The following SMIM14 variants were observed in gnomAD, a reference collection of about 807,000 sequenced individuals.
The protein encoded by SMIM14 is small integral membrane protein 14.
Under a neutral mutation model 12.6 loss-of-function variants are expected in SMIM14, and 5 were observed. The observed-to-expected ratio is 0.40, with a 90% CI of 0.21 to 0.83. The LOEUF is 0.83. Ranked by LOEUF, SMIM14 falls within the 40% of genes least tolerant of loss-of-function variation. SMIM14 has a pLI of 0.37. For synonymous variants in SMIM14, 30 were observed against 40.1 expected (o/e 0.75, Z 0.95); for missense variants, 86 against 119.1 (o/e 0.72, Z 1.29).
chr4:39,572,898 G>A (rs1459100849), intron 2 of SMIM14, among the ~76,000 whole-genome samples: 4 of 151,906 alleles, frequency 2.6e-5, no homozygotes, highest in Non-Finnish European at 4.4e-5. Flanking sequence ...GTGCAGGGGT[G>A]CAATCCTAGC....
At chr4:39,603,415 T>C (rs183394681) in intron 2 of SMIM14, among the ~76,000 whole-genome samples, 227 of 151,908 alleles carry the variant, frequency 1.5e-3, no homozygotes, top group African/African-American at 5.3e-3. Flanking sequence ...AAAAATTAGC[T>C]GGGCATGGGG....
At chr4:39,621,275 A>C (rs1715475055) in intron 1 of SMIM14, among the ~76,000 whole-genome samples, 1 of 151,526 alleles carries the variant, frequency 6.6e-6, no homozygotes, top group Non-Finnish European at 1.5e-5. Context: ...TTAGGACATA[A>C]GACTGTGCAT....
chr4:39,626,712 T>C (rs1715715697), intron 1 of SMIM14, among the ~76,000 whole-genome samples: 1 of 152,232 alleles, frequency 6.6e-6, no homozygotes, highest in Non-Finnish European at 1.5e-5. Flanking sequence ...TTGTGATCAC[T>C]ACTTTGGAGA....
chr4:39,590,674 C>T (rs11728429), intron 2 of SMIM14, among the ~76,000 whole-genome samples: 88,467 of 150,670 alleles, frequency 0.59, 29,583 homozygotes, highest in Middle Eastern at 0.81. Context: ...TGGTGGCAGG[C>T]GCCTGTAATC....
chr4:39,600,763 C>T (rs1714575168), intron 2 of SMIM14, among the ~76,000 whole-genome samples: 1 of 151,686 alleles, frequency 6.6e-6, no homozygotes, highest in African/African-American at 2.4e-5. Context: ...CCCAGCTACT[C>T]GGGAGGCTGA....
intron 2 of SMIM14, chr4:39,592,887 G>C (rs1714177704): frequency 6.6e-6 from 1 of 152,080 alleles, no homozygotes; most frequent in Admixed American, 6.6e-5. Context: ...CCAATAACAG[G>C]CTCTGAAATT....
At position 39,576,660 on chromosome 4, in the gene SMIM14, G is replaced by GTGTGCATATATATATATATATATA. The variant is rs1339477098; in HGVS notation, c.76-4198_76-4197insTATATATATATATATATATGCACA. Among the ~76,000 whole-genome samples the GTGTGCATATATATATATATATATA allele has an allele frequency of 4.1e-5, 3 of 72,378 alleles. No individual in the cohort carries two copies. The East Asian group carries it at 1.4e-3, about 33-fold the overall frequency. The allele number at this position is 72,378 out of a possible 152,430, so 47.5% of individuals were successfully genotyped here. ...CTTATACCTATGTGTGTGTGTATGT[G>GTGTGCATATATATATATATATATA]TATATATATATATATATATATATAT... On this transcript the variant is annotated intron_variant, in intron 2 of 4. Transcript: ENST00000295958.
At chr4:39,607,214 G>A (rs1374330498) in intron 1 of SMIM14, among the ~76,000 whole-genome samples, 1 of 152,164 alleles carries the variant, frequency 6.6e-6, no homozygotes, top group Non-Finnish European at 1.5e-5. Flanking sequence ...TATGTGAATT[G>A]TGGACACATC....
intron 2 of SMIM14, among the ~76,000 whole-genome samples, chr4:39,597,357 T>C (rs1714412862): frequency 6.6e-6 from 1 of 151,910 alleles, no homozygotes; most frequent in Admixed American, 6.6e-5. Flanking sequence ...AGCATTTAAA[T>C]CAGGGAAAAT....
At chr4:39,632,543 C>T (rs901946713) in intron 1 of SMIM14, among the ~76,000 whole-genome samples, 2 of 151,654 alleles carry the variant, frequency 1.3e-5, no homozygotes, top group Admixed American at 6.6e-5. Flanking sequence ...CCTGTAATCC[C>T]AGCACTTTGG....
intron 1 of SMIM14, among the ~76,000 whole-genome samples, chr4:39,619,878 T>A (rs188998251): frequency 0.05 from 2,692 of 53,568 alleles, 51 homozygotes; most frequent in Non-Finnish European, 0.064. Flanking sequence ...ATATATATAT[T>A]TTTTTTTTTT....
At position 39,551,092 on chromosome 4, in the gene SMIM14, G is replaced by C. The variant is rs1711678034; in HGVS notation, c.*1034C>G. On this transcript the variant is annotated 3_prime_UTR_variant, in exon 5 of 5. Transcript: ENST00000295958. ...CCTGGCTAATTTTTCTGTATTTTTA[G>C]TAGAGACAGGGTTTCACCATGTTGG... 6.6e-6 allele frequency: 1 copy of C among 152,016 alleles called. No homozygotes were observed. Among genetic ancestry groups the C allele is most frequent in the South Asian group, 2.1e-4 (1 of 4,812 alleles). 9.4% of individuals were successfully genotyped at this position (152,016 alleles called of 1,614,324 possible). A position where few individuals can be genotyped will look rare whatever the true frequency, so the allele number is the denominator to read the frequency against.
chr4:39,637,772 A>G (rs1207974607), intron 1 of SMIM14, among the ~76,000 whole-genome samples: 1 of 152,214 alleles, frequency 6.6e-6, no homozygotes, highest in Admixed American at 6.5e-5. Flanking sequence ...CTGGGCAGCA[A>G]GAATGCCTCC....
chr4:39,604,825 G>A (rs1714744679), intron 2 of SMIM14, among the ~76,000 whole-genome samples: 1 of 152,030 alleles, frequency 6.6e-6, no homozygotes, highest in South Asian at 2.1e-4. Flanking sequence ...TGGCCAAACT[G>A]GTCTCGAACT....
chr4:39,578,192 G>C (rs1713300948), intron 2 of SMIM14, among the ~76,000 whole-genome samples: 1 of 152,170 alleles, frequency 6.6e-6, no homozygotes, highest in South Asian at 2.1e-4. Flanking sequence ...CTGGTGCCCA[G>C]GCTGAAGTGC....
intron 1 of SMIM14, among the ~76,000 whole-genome samples, chr4:39,611,600 G>C (rs957618722): frequency 6.6e-6 from 1 of 151,796 alleles, no homozygotes; most frequent in Non-Finnish European, 1.5e-5. Context: ...CTTGAACCCA[G>C]GAGGTGGAGG....
chr4:39,583,878 A>G (rs139918633), intron 2 of SMIM14: 21 of 152,194 alleles, frequency 1.4e-4, no homozygotes, highest in African/African-American at 5.1e-4. Context: ...TCATTTCCAA[A>G]TTTATATATG....
intron 1 of SMIM14, among the ~76,000 whole-genome samples, chr4:39,635,115 G>A (rs909649736): frequency 6.6e-6 from 1 of 152,162 alleles, no homozygotes; most frequent in Non-Finnish European, 1.5e-5. Flanking sequence ...ATAACACAAT[G>A]GTATCAACCA....
chr4:39,552,982 T>C (rs1352336741), intron 4 of SMIM14, among the ~76,000 whole-genome samples: 2 of 152,164 alleles, frequency 1.3e-5, no homozygotes, highest in East Asian at 3.8e-4. Flanking sequence ...ATAGTGGAAC[T>C]ACTATTCCTA....
Sources: allele counts gnomAD v4.1 joint callset (sites outside exome capture counted in the v4.1 genomes callset), GRCh38; gene constraint gnomAD v4.1.1; transcripts MANE v1.5; gene names NCBI Gene and HGNC (gene_info 2026-07-23, HGNC 2026-07-21).